The following ZNF892 variants were observed in gnomAD, a reference collection of about 807,000 sequenced individuals.
ZNF892 encodes zinc finger protein 570-like.
the ZNF892 span, among the ~76,000 whole-genome samples, chr2:95,242,807 C>T: frequency 6.6e-6 from 1 of 152,090 alleles, no homozygotes; most frequent in Non-Finnish European, 1.5e-5. Context: ...ATTTACCAAA[C>T]CTGGAGTCCC....
chr2:95,233,533 C>T, the ZNF892 span, among the ~76,000 whole-genome samples: 3 of 150,718 alleles, frequency 2.0e-5, no homozygotes, highest in African/African-American at 7.3e-5. Context: ...ATTAGCCGGG[C>T]GTGGTGGTGG....
At chr2:95,210,139 ATGTATATATGTATATATG>A in the ZNF892 span, among the ~76,000 whole-genome samples, 47 of 148,868 alleles carry the variant, frequency 3.2e-4, no homozygotes, top group South Asian at 1.3e-3. Context: ...ATGTGTATAC[ATGTATATATGTATATATG>A]TGTATATATG....
chr2:95,210,974 C>T, the ZNF892 span, among the ~76,000 whole-genome samples: 42 of 152,124 alleles, frequency 2.8e-4, no homozygotes, highest in South Asian at 1.2e-3. Flanking sequence ...AAGGGGCTAA[C>T]GGGAATAGGA....
chr2:95,207,268 G>A, the ZNF892 span, among the ~76,000 whole-genome samples: 1 of 152,228 alleles, frequency 6.6e-6, no homozygotes, highest in South Asian at 2.1e-4. Context: ...CCTCACAGTA[G>A]CGGAGATGCG....
At chr2:95,217,204 T>C in the ZNF892 span, among the ~76,000 whole-genome samples, 1 of 152,142 alleles carries the variant, frequency 6.6e-6, no homozygotes, top group Non-Finnish European at 1.5e-5. Context: ...AGTCCACCAG[T>C]TCTAGCAGAT....
At chr2:95,220,201 G>T in the ZNF892 span, among the ~76,000 whole-genome samples, 2 of 152,192 alleles carry the variant, frequency 1.3e-5, no homozygotes, top group African/African-American at 4.8e-5. Flanking sequence ...GGTGAGGGTG[G>T]AAGTATAGGC....
At chr2:95,227,742 G>A in the ZNF892 span, among the ~76,000 whole-genome samples, 6 of 151,764 alleles carry the variant, frequency 4.0e-5, no homozygotes, top group Non-Finnish European at 8.8e-5. Context: ...TCAGCTTCCC[G>A]AGTATCTGGG....
chr2:95,235,517 A>G, the ZNF892 span, among the ~76,000 whole-genome samples: 61,690 of 152,032 alleles, frequency 0.41, 15,763 homozygotes, highest in Non-Finnish European at 0.55. Context: ...GCCAGCCACC[A>G]TGCCTGGCTA....
the ZNF892 span, among the ~76,000 whole-genome samples, chr2:95,255,381 G>GT: frequency 1.3e-5 from 2 of 152,180 alleles, no homozygotes; most frequent in Non-Finnish European, 2.9e-5. Flanking sequence ...CCATGTAGTT[G>GT]AGCAGTTTTG....
At chr2:95,215,276 G>T in the ZNF892 span, 1 of 479,670 alleles carries the variant, frequency 2.1e-6, no homozygotes, top group Admixed American at 3.4e-5. Context: ...ACACTGGGGA[G>T]AAACCCTATA....
chr2:95,218,490 G>T, the ZNF892 span, among the ~76,000 whole-genome samples: 1 of 151,688 alleles, frequency 6.6e-6, no homozygotes, highest in African/African-American at 2.4e-5. Context: ...GTACCTCATT[G>T]CCATCTGAGA....
the ZNF892 span, among the ~76,000 whole-genome samples, chr2:95,207,289 C>A: frequency 6.6e-6 from 1 of 152,226 alleles, no homozygotes; most frequent in Non-Finnish European, 1.5e-5. Context: ...AAAAGTCCCA[C>A]GCCGGGCGGG....
At chr2:95,254,586 C>T in the ZNF892 span, among the ~76,000 whole-genome samples, 1 of 152,152 alleles carries the variant, frequency 6.6e-6, no homozygotes, top group African/African-American at 2.4e-5. Flanking sequence ...CAGGATGATG[C>T]TGGCCTCATA....
chr2:95,240,387 G>A, the ZNF892 span, among the ~76,000 whole-genome samples: 19 of 152,188 alleles, frequency 1.2e-4, no homozygotes, highest in African/African-American at 2.4e-4. Context: ...CAAGGGAAGC[G>A]GTGAGTAATT....
chr2:95,254,065 C>A, the ZNF892 span, among the ~76,000 whole-genome samples: 1 of 152,224 alleles, frequency 6.6e-6, no homozygotes, highest in South Asian at 2.1e-4. Flanking sequence ...AATTGAATAC[C>A]CTTTATTTCT....
the ZNF892 span, among the ~76,000 whole-genome samples, chr2:95,235,528 A>AT: frequency 6.6e-6 from 1 of 151,996 alleles, no homozygotes. Flanking sequence ...TGCCTGGCTA[A>AT]TTTTTTGTAT....
chr2:95,206,378 G>A, the ZNF892 span, among the ~76,000 whole-genome samples: 1 of 152,206 alleles, frequency 6.6e-6, no homozygotes, highest in Non-Finnish European at 1.5e-5. Flanking sequence ...CCTTTATTAA[G>A]CCGGCGGCCA....
chr2:95,236,776 G>T, the ZNF892 span, among the ~76,000 whole-genome samples: 2 of 152,188 alleles, frequency 1.3e-5, no homozygotes, highest in African/African-American at 4.8e-5. Context: ...GAATAGTCAT[G>T]ATTGAGGATA....
the ZNF892 span, among the ~76,000 whole-genome samples, chr2:95,254,715 CT>C: frequency 1.3e-5 from 2 of 152,044 alleles, no homozygotes; most frequent in African/African-American, 4.8e-5. Flanking sequence ...TGGTCCTGGA[CT>C]TTTTTTGGTT....
Sources: allele counts gnomAD v4.1 joint callset (sites outside exome capture counted in the v4.1 genomes callset), GRCh38; gene constraint gnomAD v4.1.1; transcripts MANE v1.5; gene names NCBI Gene and HGNC (gene_info 2026-07-23, HGNC 2026-07-21).